ORC3: variants seen among roughly 807,000 people sequenced by gnomAD.
ORC3 encodes origin recognition complex subunit 3, also known as homolog of latheo, Drosophila.
Under a neutral mutation model 100.7 loss-of-function variants are expected in ORC3, and 78 were observed. The ratio of observed to expected loss-of-function variants is 0.77; its 90% CI spans 0.65 to 0.94. ORC3 has a LOEUF of 0.94. Among genes scored for constraint, ORC3 ranks in the 40% least tolerant of loss-of-function variants. The probability of loss-of-function intolerance (pLI) is 0.00; values close to 1 mark genes in which losing one functional copy is unlikely to be tolerated. For synonymous variants in ORC3, 295 were observed against 289.3 expected (o/e 1.02, Z -0.20); for missense variants, 789 against 823.9 (o/e 0.96, Z 0.52).
intron 1 of ORC3, among the ~76,000 whole-genome samples, chr6:87,591,393 A>G (rs1776924480): frequency 6.6e-6 from 1 of 151,926 alleles, no homozygotes; most frequent in Non-Finnish European, 1.5e-5. Context: ...ACGGTTTATG[A>G]GAAGCAGTGC....
the ORC3 span, among the ~76,000 whole-genome samples, chr6:87,674,146 C>CA: frequency 6.6e-6 from 1 of 150,946 alleles, no homozygotes; most frequent in African/African-American, 2.4e-5. Flanking sequence ...ACTAAAAATA[C>CA]AAAAAATTAG....
At chr6:87,658,084 T>C in intron 16 of ORC3, 66 bp downstream of exon 16, 1 of 792,550 alleles carries the variant, frequency 1.3e-6, no homozygotes, top group Admixed American at 1.9e-5. Flanking sequence ...ACTGGTGTCA[T>C]AGCTGTCTAT....
At chr6:87,618,764 A>G (rs1188063033) in intron 9 of ORC3, among the ~76,000 whole-genome samples, 1 of 152,068 alleles carries the variant, frequency 6.6e-6, no homozygotes, top group Non-Finnish European at 1.5e-5. Context: ...AGGTCATAGG[A>G]TGTTCTGTTG....
intron 13 of ORC3, among the ~76,000 whole-genome samples, chr6:87,647,503 A>T (rs986017004): frequency 6.6e-6 from 1 of 152,106 alleles, no homozygotes; most frequent in Non-Finnish European, 1.5e-5. Context: ...TCCTCCTCCC[A>T]TGGCTCTCCG....
chr6:87,611,616 A>G (rs1778774869), intron 7 of ORC3, among the ~76,000 whole-genome samples: 1 of 152,004 alleles, frequency 6.6e-6, no homozygotes, highest in Admixed American at 6.6e-5. Context: ...GTGAAACCCC[A>G]TCTCCACTAA....
At chr6:87,613,965 G>A (rs946397789) in intron 8 of ORC3, among the ~76,000 whole-genome samples, 11 of 152,196 alleles carry the variant, frequency 7.2e-5, no homozygotes, top group South Asian at 2.1e-4. Flanking sequence ...GTAGAGGATG[G>A]TAGCCCTTTT....
chr6:87,614,465 C>T (rs746714989), intron 8 of ORC3, among the ~76,000 whole-genome samples: 9 of 152,204 alleles, frequency 5.9e-5, no homozygotes, highest in African/African-American at 9.6e-5. Context: ...TTGTTACTTA[C>T]GGAAATTTCT....
chr6:87,635,456 T>G (rs965114440), intron 12 of ORC3, among the ~76,000 whole-genome samples: 4 of 152,210 alleles, frequency 2.6e-5, no homozygotes, highest in African/African-American at 9.7e-5. Flanking sequence ...TCTATATTCC[T>G]AAATCATCTT....
chr6:87,673,050 G>A, the ORC3 span, among the ~76,000 whole-genome samples: 1 of 151,520 alleles, frequency 6.6e-6, no homozygotes, highest in African/African-American at 2.4e-5. Flanking sequence ...TTGGTTATTT[G>A]GACTAATCAA....
chr6:87,624,392 G>A (rs1779743178), intron 11 of ORC3, among the ~76,000 whole-genome samples: 1 of 152,020 alleles, frequency 6.6e-6, no homozygotes, highest in Non-Finnish European at 1.5e-5. Context: ...GCTGAGGCAG[G>A]AGAATCACTT....
the ORC3 span, among the ~76,000 whole-genome samples, chr6:87,676,596 A>AACACACACACACACACACAC: frequency 0.026 from 3,749 of 141,994 alleles, 70 homozygotes; most frequent in Non-Finnish European, 0.037. Context: ...CTCTACTAAA[A>AACACACACACACACACACAC]ACACACACAC....
intron 7 of ORC3, among the ~76,000 whole-genome samples, chr6:87,610,799 C>A (rs915689834): frequency 6.9e-6 from 1 of 144,522 alleles, no homozygotes; most frequent in South Asian, 2.1e-4. Context: ...ATGATCCACC[C>A]GCCTCGGCCT....
At chr6:87,618,379 T>C (rs1284070985) in intron 9 of ORC3, among the ~76,000 whole-genome samples, 1 of 149,572 alleles carries the variant, frequency 6.7e-6, no homozygotes, top group African/African-American at 2.5e-5. Context: ...ATCATGCCAC[T>C]GCACTCCAGC....
chr6:87,598,185 G>A (rs1777608427), intron 2 of ORC3, among the ~76,000 whole-genome samples: 1 of 151,902 alleles, frequency 6.6e-6, no homozygotes, highest in Non-Finnish European at 1.5e-5. Context: ...CACCTTGCTT[G>A]CTAATTTATT....
chr6:87,644,666 T>C (rs1768606505), intron 13 of ORC3, among the ~76,000 whole-genome samples: 2 of 151,914 alleles, frequency 1.3e-5, no homozygotes, highest in African/African-American at 4.8e-5. Context: ...CTGGCTAACA[T>C]GGCGAAACCC....
intron 13 of ORC3, among the ~76,000 whole-genome samples, chr6:87,641,839 G>T: frequency 6.6e-6 from 1 of 152,176 alleles, no homozygotes; most frequent in Admixed American, 6.5e-5. Context: ...TGGACTCTAA[G>T]TAATGCATTA....
intron 13 of ORC3, among the ~76,000 whole-genome samples, chr6:87,645,752 G>C (rs1768714150): frequency 6.7e-6 from 1 of 150,086 alleles, no homozygotes; most frequent in South Asian, 2.1e-4. Context: ...TTGGCTTTCT[G>C]TATGATGAAG....
In ORC3 at chr6:87,590,200, GT is replaced by G; in HGVS notation, c.24+9del. 2 of 1,613,814 alleles carry G rather than the reference GT, an allele frequency of 1.2e-6. No homozygotes were observed. Among genetic ancestry groups the G allele is most frequent in the East Asian group, 4.5e-5 (2 of 44,882 alleles). ...ACGTCCTCGATGTCTAAGGTATGTG[GT>G]GGCCGATGCGCACTGTGGCTCTACC... is the stretch of plus-strand genomic sequence containing the variant. On this transcript the variant is annotated intron_variant, in intron 1 of 19. Coordinates refer to ENST00000392844, the MANE Select transcript of ORC3 (RefSeq NM_012381.4).
intron 11 of ORC3, among the ~76,000 whole-genome samples, chr6:87,631,043 A>ATTTTTT (rs11414874): frequency 7.3e-6 from 1 of 136,570 alleles, no homozygotes; most frequent in African/African-American, 2.8e-5. Flanking sequence ...GCTAATTTAA[A>ATTTTTT]TTTTTTTTTT....
Sources: gnomAD v4.1 joint callset for allele counts (sites outside exome capture counted in the v4.1 genomes callset) on GRCh38, gnomAD v4.1.1 for gene constraint, MANE v1.5 for transcripts, NCBI Gene and HGNC (gene_info 2026-07-23, HGNC 2026-07-21) for gene names.